ALKBH8: variants seen among roughly 807,000 people sequenced by gnomAD.
ALKBH8 encodes alkB homolog 8, tRNA methyltransferase.
In ALKBH8, 36 loss-of-function variants were observed where a neutral mutation model predicts 59.8. The ratio of observed to expected loss-of-function variants is 0.60; its 90% confidence interval spans 0.46 to 0.79. The LOEUF (loss-of-function observed/expected upper bound fraction) is 0.79. Among genes scored for constraint, ALKBH8 ranks in the 30% least tolerant of loss-of-function variants. ALKBH8 has a pLI of 0.00. For synonymous variants in ALKBH8, 276 were observed against 273.6 expected (o/e 1.01, Z -0.09); for missense variants, 768 against 801.0 (o/e 0.96, Z 0.50).
chr11:107,513,482 C>A (rs1401103956), intron 10 of ALKBH8, among the ~76,000 whole-genome samples: 3 of 152,162 alleles, frequency 2.0e-5, no homozygotes, highest in Non-Finnish European at 4.4e-5. Context: ...AGCAGTTTGG[C>A]AATTTCTCAA....
chr11:107,531,544 G>T (rs1022567353), intron 8 of ALKBH8, among the ~76,000 whole-genome samples: 1 of 152,154 alleles, frequency 6.6e-6, no homozygotes, highest in African/African-American at 2.4e-5. Flanking sequence ...AACATAATGT[G>T]GGATCATAGA....
At chr11:107,527,437 T>C (rs1018027734) in intron 8 of ALKBH8, among the ~76,000 whole-genome samples, 8 of 151,994 alleles carry the variant, frequency 5.3e-5, no homozygotes, top group Non-Finnish European at 1.2e-4. Flanking sequence ...CGACCTAAGA[T>C]GGATTTGATC....
chr11:107,504,633 A>G lies in ALKBH8; in HGVS notation c.*25T>C, dbSNP rs1862298293. 1.3e-6 allele frequency: 2 copies of G among 1,536,532 alleles called. No homozygotes were observed. The highest frequency in any genetic ancestry group is 1.2e-5 in the South Asian group (1 of 81,532). Reference sequence around the variant, plus strand: ...TTTTTTAAGTGAGCATTTCTTCTTTATATATGATGTGTTCAGGTAAATAAT... The same window carrying G: ...TTTTTTAAGTGAGCATTTCTTCTTTGTATATGATGTGTTCAGGTAAATAAT... On this transcript the variant is annotated 3_prime_UTR_variant, in exon 12 of 12. Transcript: ENST00000428149.
At position 107,553,097 on chromosome 11, in the gene ALKBH8, C is replaced by A; in HGVS notation, c.595+11G>T. 6.6e-7 allele frequency: 1 copy of A among 1,525,860 alleles called. No homozygotes were observed. The highest frequency in any genetic ancestry group is 9.0e-7 in the Non-Finnish European group (1 of 1,116,326). 94.5% of individuals were successfully genotyped at this position (1,525,860 alleles called of 1,614,324 possible). ...TGAGCCAGAATTTATTATGTATTAGCAATTACTTACCCCCAGATAATGGCT... is the reference window on the plus strand; with the variant it reads ...TGAGCCAGAATTTATTATGTATTAGAAATTACTTACCCCCAGATAATGGCT... On this transcript the variant is annotated intron_variant, in intron 5 of 11. Coordinates refer to ENST00000428149, the MANE Select transcript of ALKBH8 (RefSeq NM_138775.3).
chr11:107,560,911 C>A lies in ALKBH8; in HGVS notation c.-6-12G>T, dbSNP rs662349. 0.38 allele frequency: 603,830 copies of A among 1,571,018 alleles called. 110,056 individuals are homozygous for A. The highest frequency in any genetic ancestry group is 0.52 in the African/African-American group (37,748 of 72,388). ...CTGTCCATAGCAAACTGTAAAAAAA[C>A]AAGACAGTAAAAAAGTCAACCTTAA... On this transcript the variant is annotated splice_polypyrimidine_tract_variant and intron_variant, in intron 1 of 11. Transcript: ENST00000428149.
chr11:107,523,350 G>C (rs1305257238), intron 9 of ALKBH8, among the ~76,000 whole-genome samples: 1 of 152,066 alleles, frequency 6.6e-6, no homozygotes, highest in Non-Finnish European at 1.5e-5. Context: ...AAATAAGCCA[G>C]ACAGAGAAGG....
intron 2 of ALKBH8, among the ~76,000 whole-genome samples, chr11:107,557,507 G>T (rs929634973): frequency 6.6e-6 from 1 of 152,094 alleles, no homozygotes; most frequent in Non-Finnish European, 1.5e-5. Context: ...TTAGGGGTGG[G>T]TTTAAACCTA....
chr11:107,552,446 A>G (rs771907681), intron 5 of ALKBH8, among the ~76,000 whole-genome samples: 40 of 152,216 alleles, frequency 2.6e-4, no homozygotes, highest in Non-Finnish European at 4.3e-4. Context: ...AAAAGCCAGA[A>G]TATACAGTAA....
intron 7 of ALKBH8, among the ~76,000 whole-genome samples, chr11:107,544,815 CCACA>C (rs5794557): frequency 0.44 from 60,423 of 138,130 alleles, 13,714 homozygotes; most frequent in Non-Finnish European, 0.52. Context: ...TAGATACAAA[CCACA>C]CACACACACA....
chr11:107,565,028 GTAT>G (rs1170426740), intron 1 of ALKBH8: 1 of 154,264 alleles, frequency 6.5e-6, no homozygotes, highest in Non-Finnish European at 1.4e-5. Flanking sequence ...TTCTCACATG[GTAT>G]TATAATTGCC....
At chr11:107,505,373 C>T (rs1862340460) in intron 11 of ALKBH8, among the ~76,000 whole-genome samples, 158 bp from the exon 12 acceptor site, 1 of 152,104 alleles carries the variant, frequency 6.6e-6, no homozygotes, top group South Asian at 2.1e-4. Context: ...AAAGAGCATT[C>T]TGTTCTGTGA....
intron 7 of ALKBH8, among the ~76,000 whole-genome samples, chr11:107,538,479 T>C (rs1190440454): frequency 2.0e-5 from 3 of 152,244 alleles, no homozygotes; most frequent in South Asian, 2.1e-4. Context: ...CAGGAGCTTT[T>C]TCCAATTATT....
chr11:107,556,744 A>C, intron 3 of ALKBH8, 22 bp downstream of exon 3: 1 of 1,306,612 alleles, frequency 7.7e-7, no homozygotes, highest in Non-Finnish European at 9.9e-7. Flanking sequence ...TCATTTTTTA[A>C]AAGATAATTG....
chr11:107,542,922 T>C (rs1198154215), intron 7 of ALKBH8, among the ~76,000 whole-genome samples: 1 of 151,266 alleles, frequency 6.6e-6, no homozygotes. Context: ...AAAACAGGAA[T>C]ATTTGCCATG....
intron 7 of ALKBH8, among the ~76,000 whole-genome samples, chr11:107,548,855 CTT>C (rs56654607): frequency 0.72 from 105,800 of 146,702 alleles, 39,826 homozygotes; most frequent in South Asian, 0.85. Context: ...GATTTTCTTT[CTT>C]TTTTTTTTTT....
At chr11:107,552,680 C>T (rs1025072826) in intron 5 of ALKBH8, among the ~76,000 whole-genome samples, 63 of 152,276 alleles carry the variant, frequency 4.1e-4, no homozygotes, top group African/African-American at 1.4e-3. Context: ...TATCAATTAA[C>T]GTTTTTTAGT....
rs561743683 is a variant in ALKBH8 at position 107,549,759 on chromosome 11, C to A, written c.765G>T (p.Gly255=). ...AATAAAAATGACCATTTACCTCTGA[C>A]CCCAAACTGAGAGAAACGATCTCAT... ...FEDEIVSLSL[G]SEIVMDFKHP... is the part of the protein sequence containing the mutation. Residue 255 remains glycine (G), a synonymous_variant, in exon 7 of 12, where the codon GGG becomes GGT. Transcript: ENST00000428149. The A allele has an allele frequency of 1.9e-6, 3 of 1,547,088 alleles. No individual in the cohort carries two copies. Among genetic ancestry groups the A allele is most frequent in the Admixed American group, 2.0e-5 (1 of 50,968 alleles).
In ALKBH8 at chr11:107,565,592, G is replaced by A; in HGVS notation, c.-7+9C>T. The A allele has an allele frequency of 6.5e-7, 1 of 1,535,708 alleles. No individual in the cohort carries two copies. The highest frequency in any genetic ancestry group is 8.7e-7 in the Non-Finnish European group (1 of 1,146,904). On this transcript the variant is annotated intron_variant, in intron 1 of 11. Transcript: ENST00000428149. ...GCCCGTATGCCCGCCAGTAAGAAGT[G>A]CCACACACCTCCGCTTCGGCTCAGG...
At chr11:107,527,849 G>C (rs74718422) in intron 8 of ALKBH8, among the ~76,000 whole-genome samples, 6,521 of 151,890 alleles carry the variant, frequency 0.043, 174 homozygotes, top group Middle Eastern at 0.099. Context: ...ATCCAATATA[G>C]CATTAAATAG....
Sources: gnomAD v4.1 joint callset for allele counts (sites outside exome capture counted in the v4.1 genomes callset) on GRCh38, gnomAD v4.1.1 for gene constraint, MANE v1.5 for transcripts, NCBI Gene and HGNC (gene_info 2026-07-23, HGNC 2026-07-21) for gene names.